The following EPHA6 variants were observed in gnomAD, a reference collection of about 807,000 sequenced individuals.
EPHA6 encodes the protein ephrin type-A receptor 6.
A neutral mutation model predicts 112.0 loss-of-function variants in EPHA6; 50 were observed. The ratio of observed to expected loss-of-function variants is 0.45; its 90% CI spans 0.36 to 0.56. The LOEUF (loss-of-function observed/expected upper bound fraction) is 0.56, where lower values mean the gene tolerates loss of function less well. EPHA6 is among the 20% of genes least tolerant of loss of function. The pLI is 0.00. For synonymous variants in EPHA6, 529 were observed against 490.7 expected, an observed-to-expected ratio of 1.08 and a Z score of -1.03; for missense variants, 1,280 against 1,417.4, an observed-to-expected ratio of 0.90 and a Z score of 1.56.
intron 10 of EPHA6, among the ~76,000 whole-genome samples, chr3:97,493,283 A>G (rs1194058524): frequency 2.0e-5 from 3 of 151,770 alleles, no homozygotes; most frequent in Admixed American, 6.6e-5. Flanking sequence ...TGTATTAGTC[A>G]GCTTCACTGT....
chr3:96,943,053 A>G (rs1184890379), intron 2 of EPHA6, among the ~76,000 whole-genome samples: 1 of 151,580 alleles, frequency 6.6e-6, no homozygotes, highest in African/African-American at 2.4e-5. Flanking sequence ...CTTTTATAAG[A>G]TCAACTCTTT....
chr3:97,166,878 A>G (rs796582568), intron 3 of EPHA6, among the ~76,000 whole-genome samples: 15 of 152,292 alleles, frequency 9.8e-5, no homozygotes, highest in Middle Eastern at 3.4e-3. Flanking sequence ...AAAGGGAAAC[A>G]GTGAAACATA....
chr3:97,062,919 T>C (rs2046066623), intron 3 of EPHA6, among the ~76,000 whole-genome samples: 1 of 151,902 alleles, frequency 6.6e-6, no homozygotes, highest in Non-Finnish European at 1.5e-5. Context: ...AAAGGAGATA[T>C]ACATGTGGCC....
At chr3:97,081,506 T>C (rs754458278) in intron 3 of EPHA6, among the ~76,000 whole-genome samples, 34 of 151,966 alleles carry the variant, frequency 2.2e-4, no homozygotes, top group Middle Eastern at 3.4e-3. Flanking sequence ...TAATACATCC[T>C]TTACAAATGA....
At chr3:96,872,325 C>G (rs766758070) in intron 2 of EPHA6, among the ~76,000 whole-genome samples, 8 of 152,004 alleles carry the variant, frequency 5.3e-5, no homozygotes, top group Admixed American at 3.3e-4. Flanking sequence ...TGGAGATCTC[C>G]TTGTGGCTCC....
chr3:97,519,573 C>T (rs564721017), intron 10 of EPHA6, among the ~76,000 whole-genome samples: 23 of 152,212 alleles, frequency 1.5e-4, no homozygotes, highest in Non-Finnish European at 2.5e-4. Flanking sequence ...TTGGGTAGTA[C>T]GGTCATTTTA....
intron 15 of EPHA6, among the ~76,000 whole-genome samples, chr3:97,724,807 C>T (rs1047492183): frequency 6.6e-6 from 1 of 151,810 alleles, no homozygotes; most frequent in Non-Finnish European, 1.5e-5. Context: ...CTCAAAGAAC[C>T]CACTATGTAG....
At chr3:97,163,950 A>G (rs1464732057) in intron 3 of EPHA6, among the ~76,000 whole-genome samples, 1 of 152,176 alleles carries the variant, frequency 6.6e-6, no homozygotes, top group Non-Finnish European at 1.5e-5. Context: ...GATTTTTAAC[A>G]ATTTCAATTC....
At chr3:97,437,913 C>G (rs1037894442) in intron 6 of EPHA6, among the ~76,000 whole-genome samples, 3 of 152,026 alleles carry the variant, frequency 2.0e-5, no homozygotes, top group African/African-American at 7.2e-5. Flanking sequence ...GTTTTGCTCT[C>G]TGCTATTTAT....
chr3:97,608,796 A>T (rs142020376), intron 12 of EPHA6, among the ~76,000 whole-genome samples: 1 of 151,330 alleles, frequency 6.6e-6, no homozygotes. Context: ...GATGAGGTGC[A>T]TCACTGGAAA....
chr3:96,865,583 G>T (rs927270294), intron 1 of EPHA6, among the ~76,000 whole-genome samples: 1 of 151,218 alleles, frequency 6.6e-6, no homozygotes, highest in African/African-American at 2.4e-5. Context: ...TCAGAAGGCT[G>T]AGGCAGGGGG....
At chr3:97,469,161 C>T (rs2091150273) in intron 7 of EPHA6, among the ~76,000 whole-genome samples, 1 of 151,556 alleles carries the variant, frequency 6.6e-6, no homozygotes. Context: ...TTATTTGATG[C>T]TCCTTGAATT....
intron 5 of EPHA6, among the ~76,000 whole-genome samples, chr3:97,291,508 C>T (rs2080682524): frequency 6.6e-6 from 1 of 152,022 alleles, no homozygotes; most frequent in South Asian, 2.1e-4. Context: ...TTTAGGGTTT[C>T]CAATATACTA....
At chr3:96,985,473 G>A (rs549581465) in intron 2 of EPHA6, among the ~76,000 whole-genome samples, 1 of 152,152 alleles carries the variant, frequency 6.6e-6, no homozygotes, top group East Asian at 1.9e-4. Context: ...TGGTTCCAAT[G>A]AGCTGTGATA....
At chr3:96,982,547 G>C (rs1212817990) in intron 2 of EPHA6, among the ~76,000 whole-genome samples, 1 of 152,198 alleles carries the variant, frequency 6.6e-6, no homozygotes, top group Non-Finnish European at 1.5e-5. Flanking sequence ...TTGGGATGGA[G>C]AGTTCTGTAG....
At chr3:97,332,615 G>A (rs1219253394) in intron 5 of EPHA6, among the ~76,000 whole-genome samples, 1 of 152,078 alleles carries the variant, frequency 6.6e-6, no homozygotes, top group African/African-American at 2.4e-5. Context: ...TTACATGTAT[G>A]TCAGTCTGTA....
At chr3:96,901,954 A>G (rs1387068257) in intron 2 of EPHA6, among the ~76,000 whole-genome samples, 1 of 152,216 alleles carries the variant, frequency 6.6e-6, no homozygotes, top group African/African-American at 2.4e-5. Context: ...GGTACTTTTT[A>G]ACTATTGTGC....
intron 2 of EPHA6, among the ~76,000 whole-genome samples, chr3:96,918,895 C>T (rs2039618199): frequency 6.6e-6 from 1 of 151,920 alleles, no homozygotes; most frequent in Middle Eastern, 3.4e-3. Flanking sequence ...ATGTTTGTAG[C>T]TATAAAACTT....
At chr3:97,341,176 G>A (rs1032261594) in intron 5 of EPHA6, among the ~76,000 whole-genome samples, 1 of 152,166 alleles carries the variant, frequency 6.6e-6, no homozygotes, top group Non-Finnish European at 1.5e-5. Flanking sequence ...GAAAATGCTT[G>A]TGTGGAGGCA....
Sources: allele counts gnomAD v4.1 joint callset (sites outside exome capture counted in the v4.1 genomes callset), GRCh38; gene constraint gnomAD v4.1.1; transcripts MANE v1.5; gene names NCBI Gene and HGNC (gene_info 2026-07-23, HGNC 2026-07-21).